Variants in TRIM63 observed in about 807,000 individuals in gnomAD.
TRIM63 encodes E3 ubiquitin-protein ligase TRIM63.
A neutral mutation model predicts 46.0 loss-of-function variants in TRIM63; 48 were observed. That is an observed-to-expected ratio of 1.04 (90% confidence interval 0.83 to 1.33). The LOEUF (loss-of-function observed/expected upper bound fraction) is 1.33, where lower values mean the gene tolerates loss of function less well. Among genes scored for constraint, TRIM63 ranks in the 40% most tolerant of loss-of-function variants. The pLI is 0.00. For missense variants in TRIM63, 455 were observed against 441.2 expected, an observed-to-expected ratio of 1.03 and a Z score of -0.28; for synonymous variants, 175 against 162.8, an observed-to-expected ratio of 1.08 and a Z score of -0.57.
intron 7 of TRIM63, among the ~76,000 whole-genome samples, chr1:26,055,368 A>G (rs75533058): frequency 0.022 from 3,359 of 152,324 alleles, 120 homozygotes; most frequent in African/African-American, 0.076. Flanking sequence ...GACATACAGA[A>G]TATTCAGTAA....
chr1:26,053,655 T>G (rs746463599), intron 8 of TRIM63, among the ~76,000 whole-genome samples: 10 of 152,222 alleles, frequency 6.6e-5, no homozygotes, highest in Non-Finnish European at 1.2e-4. Context: ...TGCTTTCCAT[T>G]TAAGAAGATC....
At chr1:26,062,839 C>T (rs2050639325) in intron 2 of TRIM63, among the ~76,000 whole-genome samples, 1 of 152,108 alleles carries the variant, frequency 6.6e-6, no homozygotes, top group Non-Finnish European at 1.5e-5. Context: ...TCTTAGCTCA[C>T]TGCAAACTCC....
chr1:26,064,490 A>T (rs2050656673), intron 2 of TRIM63, among the ~76,000 whole-genome samples: 1 of 151,898 alleles, frequency 6.6e-6, no homozygotes, highest in South Asian at 2.1e-4. Context: ...TAGCTCTACC[A>T]CTTGCTAGCT....
In TRIM63 at chr1:26,051,857, T is replaced by A. The variant is rs777713043; in HGVS notation, c.*16A>T. On this transcript the variant is annotated 3_prime_UTR_variant, in exon 9 of 9. Transcript: ENST00000374272. ...CAGTCTCTCTGCATCTGGGGGCCTC[T>A]CATTCATCCAGCTCCTTACTGGTGT... 1 of 1,246,028 alleles carries A rather than the reference T, an allele frequency of 8.0e-7. No homozygotes were observed. The highest frequency in any genetic ancestry group is 3.3e-5 in the Admixed American group (1 of 30,110). 77.2% of individuals were successfully genotyped at this position (1,246,028 alleles called of 1,614,324 possible). A position where few individuals can be genotyped will look rare whatever the true frequency, so the allele number is the denominator to read the frequency against.
At position 26,051,628 on chromosome 1, in the gene TRIM63, T is replaced by C; in HGVS notation, c.*245A>G. Reference sequence around the variant, plus strand: ...TACAAAATATTCCATTTTGCACCAATGTAGAAAAGTGTCCTGTGTGATTGT... The same window carrying C: ...TACAAAATATTCCATTTTGCACCAACGTAGAAAAGTGTCCTGTGTGATTGT... On this transcript the variant is annotated 3_prime_UTR_variant, in exon 9 of 9. Transcript: ENST00000374272. 2.6e-6 allele frequency: 1 copy of C among 389,962 alleles called. No homozygotes were observed. Among genetic ancestry groups the C allele is most frequent in the Non-Finnish European group, 4.7e-6 (1 of 214,420 alleles). The allele number at this position is 389,962 out of a possible 1,614,324, so 24.2% of individuals were successfully genotyped here.
chr1:26,053,931 T>C lies in TRIM63; in HGVS notation c.1013A>G (p.Asp338Gly). Residue 338 changes from aspartate to glycine, a missense_variant, in exon 8 of 9, where the codon GAT (aspartate) becomes GGT (glycine). Asp to Gly is a moderately conservative substitution (Grantham distance 94, BLOSUM62 -1). Transcript: ENST00000374272. Reference sequence around the variant, plus strand: ...TTCTGTGGACTCTTCCTCTTCCTGATCTTCTTCTTCAATGAATTCTTCCTC... The same window carrying C: ...TTCTGTGGACTCTTCCTCTTCCTGACCTTCTTCTTCAATGAATTCTTCCTC... ...EEEEEFIEEE[D>G]QEEEESTEGK... 1 of 1,593,910 alleles carries C rather than the reference T, an allele frequency of 6.3e-7. No individual in the cohort carries two copies. Among genetic ancestry groups the C allele is most frequent in the Non-Finnish European group, 8.5e-7 (1 of 1,174,468 alleles).
Position 26,056,757 on chromosome 1 carries a change from AT to A in TRIM63, c.979+445del, listed in dbSNP as rs539855797. The stretch of plus-strand genomic sequence containing the variant: ...GCTCATCTAGAAATCGACTATATGA[AT>A]TTTTTTTTTTTTTTTTTTGAGATGG... On this transcript the variant is annotated intron_variant, in intron 7 of 8. Coordinates refer to ENST00000374272, the MANE Select transcript of TRIM63 (RefSeq NM_032588.4). Among the ~76,000 whole-genome samples, 1,259 of 138,980 alleles carry A rather than the reference AT, an allele frequency of 9.1e-3. 7 individuals are homozygous for A. The highest frequency in any genetic ancestry group is 0.016 in the African/African-American group (602 of 37,352). 91.2% of individuals were successfully genotyped at this position (138,980 alleles called of 152,430 possible).
At chr1:26,055,657 A>G (rs1034076319) in intron 7 of TRIM63, among the ~76,000 whole-genome samples, 1 of 152,076 alleles carries the variant, frequency 6.6e-6, no homozygotes, top group Admixed American at 6.6e-5. Flanking sequence ...GATTACAGGC[A>G]TGCACCACCA....
At chr1:26,066,497 T>A (rs1038847237) in intron 1 of TRIM63, 57 bp from the exon 2 acceptor site, 42 of 1,436,000 alleles carry the variant, frequency 2.9e-5, no homozygotes, top group Admixed American at 5.1e-5. Flanking sequence ...CCTTCTCTTT[T>A]CTAATCTCCT....
chr1:26,058,429 G>A lies in TRIM63; in HGVS notation c.792C>T (p.Ile264=). The change falls in exon 5 of 9, where the codon ATC becomes ATT. Residue 264 remains isoleucine (I), a synonymous_variant. Coordinates refer to ENST00000374272, the MANE Select transcript of TRIM63 (RefSeq NM_032588.4). ...CTCCCCCAGGCTCGTCCAGGGACTG[G>A]ATGGCAGTTTCCACCAGCTTTGTGG... ...DKSTKLVETA[I]QSLDEPGGAT... 1 of 1,614,158 alleles carries A rather than the reference G, an allele frequency of 6.2e-7. No homozygotes were observed. Among genetic ancestry groups the A allele is most frequent in the Non-Finnish European group, 8.5e-7 (1 of 1,180,032 alleles).
chr1:26,054,270 G>A lies in TRIM63; in HGVS notation c.980-306C>T, dbSNP rs1180841676. Among the ~76,000 whole-genome samples the A allele has an allele frequency of 3.3e-5, 5 of 152,358 alleles. No homozygotes were observed. The East Asian group carries it at 5.8e-4, about 18-fold the overall frequency. ...ACCAGAGAGGGGACTCTGAGGAAGC[G>A]CACTCTGTGCTTCTGCACATCTCTC... On this transcript the variant is annotated intron_variant, in intron 7 of 8. Transcript: ENST00000374272.
chr1:26,056,968 G>A (rs1354416522), intron 7 of TRIM63, among the ~76,000 whole-genome samples: 1 of 152,076 alleles, frequency 6.6e-6, no homozygotes, highest in Non-Finnish European at 1.5e-5. Flanking sequence ...TCACCACGTT[G>A]GTCAGGCTGG....
At chr1:26,059,714 C>T (rs1464462049) in intron 4 of TRIM63, among the ~76,000 whole-genome samples, 4 of 152,116 alleles carry the variant, frequency 2.6e-5, no homozygotes, top group Non-Finnish European at 4.4e-5. Flanking sequence ...CATGGAAAAT[C>T]GTGGAAGCTT....
At position 26,051,850 on chromosome 1, in the gene TRIM63, G is replaced by A. The variant is rs1243095527; in HGVS notation, c.*23C>T. The A allele has an allele frequency of 1.5e-6, 2 of 1,341,558 alleles. No individual in the cohort carries two copies. Among genetic ancestry groups the A allele is most frequent in the Non-Finnish European group, 1.9e-6 (2 of 1,040,588 alleles). 83.1% of individuals were successfully genotyped at this position (1,341,558 alleles called of 1,614,324 possible). A position where few individuals can be genotyped will look rare whatever the true frequency, so the allele number is the denominator to read the frequency against. On this transcript the variant is annotated 3_prime_UTR_variant, in exon 9 of 9. Transcript: ENST00000374272. The stretch of plus-strand genomic sequence containing the variant: ...CCCTCTCCAGTCTCTCTGCATCTGG[G>A]GGCCTCTCATTCATCCAGCTCCTTA...
In TRIM63 at chr1:26,066,372, G is replaced by A. The variant is rs1171655924; in HGVS notation, c.228C>T (p.Pro76=). The A allele has an allele frequency of 1.2e-5, 19 of 1,613,724 alleles. No individual in the cohort carries two copies. Among genetic ancestry groups the A allele is most frequent in the Non-Finnish European group, 1.6e-5 (19 of 1,179,764 alleles). Residue 76 remains proline (P), a synonymous_variant, in exon 2 of 9, where the codon CCC becomes CCT. Coordinates refer to ENST00000374272, the MANE Select transcript of TRIM63 (RefSeq NM_032588.4). ...VSMSGGRFRC[P]TCRHEVIMDR... ...CCATGATCACCTCGTGGCGGCAGGT[G>A]GGGCAGCGGAAACGGCCTCCAGACA... is the stretch of plus-strand genomic sequence containing the variant.
At chr1:26,061,083 T>C in intron 3 of TRIM63, 83 bp downstream of exon 3, 1 of 1,469,276 alleles carries the variant, frequency 6.8e-7, no homozygotes. Context: ...TCAGCAGATC[T>C]ACAGGGATCA....
intron 2 of TRIM63, among the ~76,000 whole-genome samples, chr1:26,062,869 C>T (rs903312645): frequency 6.6e-6 from 1 of 152,038 alleles, no homozygotes. Context: ...GTTTCTGATG[C>T]CTCAGCCTCC....
intron 8 of TRIM63, 58 bp downstream of exon 8, chr1:26,053,835 T>A: frequency 1.5e-6 from 2 of 1,326,996 alleles, no homozygotes; most frequent in Non-Finnish European, 2.2e-6. Context: ...AGTAGGCACC[T>A]CAGATTGTTG....
chr1:26,066,268 C>T lies in TRIM63; in HGVS notation c.332G>A (p.Ser111Asn). The T allele has an allele frequency of 6.2e-7, 1 of 1,614,064 alleles. No individual in the cohort carries two copies. Among genetic ancestry groups the T allele is most frequent in the South Asian group, 1.1e-5 (1 of 91,066 alleles). Residue 111 changes from serine (S) to asparagine (N), a missense_variant and splice_region_variant, in exon 2 of 9, where the codon AGT becomes AAT. By Grantham distance (46) the Ser-to-Asn change is conservative. Coordinates refer to ENST00000374272, the MANE Select transcript of TRIM63 (RefSeq NM_032588.4). ...IIDIYKQECSSRPLQKGSHPM... is the reference protein window; with the variant it reads ...IIDIYKQECSNRPLQKGSHPM... ...GCCCCCAGCAGGCACGAGAACCGAC[C>T]TGGAGCACTCCTGTTTGTAGATGTC...
Sources: allele counts gnomAD v4.1 joint callset (sites outside exome capture counted in the v4.1 genomes callset), GRCh38; gene constraint gnomAD v4.1.1; transcripts MANE v1.5; gene names NCBI Gene and HGNC (gene_info 2026-07-23, HGNC 2026-07-21).